Variants in CREBZF observed in about 807,000 individuals in gnomAD.
The protein encoded by CREBZF is HCF-binding transcription factor Zhangfei.
Under a neutral mutation model 21.1 loss-of-function variants are expected in CREBZF, and 8 were observed. The ratio of observed to expected loss-of-function variants is 0.38; its 90% confidence interval spans 0.22 to 0.68. The LOEUF (loss-of-function observed/expected upper bound fraction) is 0.68. CREBZF is among the 30% of genes least tolerant of loss of function. The pLI is 0.51. For missense variants in CREBZF, 518 were observed against 484.3 expected (o/e 1.07, Z -0.65); for synonymous variants, 270 against 223.3 (o/e 1.21, Z -1.86).
At chr11:85,681,327 A>G (rs1399271907) in intron 1 of CREBZF, among the ~76,000 whole-genome samples, 1 of 152,162 alleles carries the variant, frequency 6.6e-6, no homozygotes, top group Non-Finnish European at 1.5e-5. Context: ...TACTCCTTCA[A>G]ACAACTTTCT....
chr11:85,673,418 G>A (rs1351165763), intron 1 of CREBZF, among the ~76,000 whole-genome samples: 2 of 152,172 alleles, frequency 1.3e-5, no homozygotes, highest in Non-Finnish European at 2.9e-5. Flanking sequence ...GCATATAAAT[G>A]TTTACACTAT....
intron 1 of CREBZF, among the ~76,000 whole-genome samples, chr11:85,679,210 C>T (rs553231011): frequency 6.6e-6 from 1 of 152,344 alleles, no homozygotes; most frequent in African/African-American, 2.4e-5. Flanking sequence ...ACACATTCTA[C>T]AGATACCTTA....
At position 85,663,247 on chromosome 11, in the gene CREBZF, C is replaced by G; in HGVS notation, c.*564G>C. The G allele has an allele frequency of 2.1e-6, 1 of 480,622 alleles. No homozygotes were observed. Among genetic ancestry groups the G allele is most frequent in the Non-Finnish European group, 3.7e-6 (1 of 266,678 alleles). The allele number at this position is 480,622 out of a possible 1,614,324, so 29.8% of individuals were successfully genotyped here. On this transcript the variant is annotated 3_prime_UTR_variant, in exon 1 of 1. Coordinates refer to ENST00000527447, the MANE Select transcript of CREBZF (RefSeq NM_001039618.4). ...GTGTACAGTTGGAACCGATGTCATCCAAGGCCATGTCCACACTGGGGACAG... is the reference window on the plus strand; with the variant it reads ...GTGTACAGTTGGAACCGATGTCATCGAAGGCCATGTCCACACTGGGGACAG...
chr11:85,676,149 C>T lies in CREBZF; in HGVS notation n.147+6568G>A, dbSNP rs183804012. On this transcript the variant is annotated intron_variant and non_coding_transcript_variant, in intron 1 of 3. Transcript: ENST00000531515. The stretch of plus-strand genomic sequence containing the variant: ...GTATGTCCTAACTAATCAAACCTCA[C>T]AGTTGCTGCCACTCAAGTTGAGAAT... 2.3e-3 allele frequency among the ~76,000 whole-genome samples: 352 copies of T among 152,310 alleles called. 2 individuals carry two copies. The highest frequency in any genetic ancestry group is 8.2e-3 in the African/African-American group (341 of 41,574).
chr11:85,675,314 A>G (rs758198416), intron 1 of CREBZF, among the ~76,000 whole-genome samples: 11 of 152,250 alleles, frequency 7.2e-5, no homozygotes, highest in Non-Finnish European at 1.5e-4. Flanking sequence ...TGAGAGATGT[A>G]TAACTCTTTC....
At chr11:85,668,839 A>G (rs2082889669), upstream of CREBZF, among the ~76,000 whole-genome samples, 1 of 150,566 alleles carries the variant, frequency 6.6e-6, no homozygotes, top group South Asian at 2.1e-4. Flanking sequence ...CGTCTCTACT[A>G]AAAATACAAA....
In CREBZF at chr11:85,664,942, C is replaced by A; in HGVS notation, c.-67G>T. The A allele has an allele frequency of 8.4e-7, 1 of 1,183,558 alleles. No individual in the cohort carries two copies. The highest frequency in any genetic ancestry group is 1.1e-6 in the Non-Finnish European group (1 of 894,964). The allele number at this position is 1,183,558 out of a possible 1,614,324, so 73.3% of individuals were successfully genotyped here. ...GTGGGCCTCACGGGCCCCAAGGATC[C>A]CAGGCCCCAGGGCGGGTAGCCCCCG... On this transcript the variant is annotated 5_prime_UTR_variant, in exon 1 of 1. Transcript: ENST00000527447. This position sits in a 1 kb window ranked among gnomAD's most constrained non-coding sequence, Gnocchi z 5.5.
rs1018398752 is a variant in CREBZF, at chr11:85,660,775, A to C, written c.*3036T>G. 6.8e-5 allele frequency: 20 copies of C among 295,198 alleles called. No individual in the cohort carries two copies. The highest frequency in any genetic ancestry group is 1.3e-4 in the Non-Finnish European group (19 of 151,800). The allele number at this position is 295,198 out of a possible 1,614,324, so 18.3% of individuals were successfully genotyped here. Reference sequence around the variant, plus strand: ...CAGAAACAGTAAGTCAATATGATAGAAATAGTAGGTCAAAATATGATGTGT... The same window carrying C: ...CAGAAACAGTAAGTCAATATGATAGCAATAGTAGGTCAAAATATGATGTGT... On this transcript the variant is annotated 3_prime_UTR_variant, in exon 1 of 1. Coordinates refer to ENST00000527447, the MANE Select transcript of CREBZF (RefSeq NM_001039618.4).
chr11:85,676,012 G>T (rs955377256), intron 1 of CREBZF, among the ~76,000 whole-genome samples: 2 of 152,162 alleles, frequency 1.3e-5, no homozygotes, highest in Non-Finnish European at 2.9e-5. Context: ...TCAAGAAAGC[G>T]TTTCTGAACG....
Position 85,664,676 on chromosome 11 carries a change from C to T in CREBZF, c.200G>A (p.Arg67Lys), listed in dbSNP as rs745827477. Residue 67 changes from arginine (R) to lysine (K), a missense_variant, in exon 1 of 1, where the codon AGG (arginine) becomes AAG (lysine). By Grantham distance (26) the Arg-to-Lys change is conservative. This residue lies in a region of CREBZF where 396 missense variants were observed against 324.4 expected (regional missense o/e 1.22). Transcript: ENST00000527447. The surrounding 1 kb of genome is among the most constrained non-coding windows in gnomAD (Gnocchi z 5.5). ...CACGGCCACGCCGCCGCGGCTCCCC[C>T]TCCCGGCTTCCAACTCTCCTTCGTC... ...FGDEGELEAG[R>K]GSRGGVAVRA... 5.6e-6 allele frequency: 9 copies of T among 1,603,680 alleles called. No individual in the cohort carries two copies. The highest frequency in any genetic ancestry group is 7.7e-6 in the Non-Finnish European group (9 of 1,175,220).
At position 85,660,137 on chromosome 11, in the gene CREBZF, GAAAT is replaced by G. The variant is rs1054793577; in HGVS notation, c.*3670_*3673del. ...CTCCAAATTAGCTCTCATGTTCCAG[GAAAT>G]AAATACAAACTCATATGCCTTGTGA... On this transcript the variant is annotated 3_prime_UTR_variant, in exon 1 of 1. Coordinates refer to ENST00000527447, the MANE Select transcript of CREBZF (RefSeq NM_001039618.4). The G allele has an allele frequency of 6.5e-6, 1 of 153,878 alleles. No individual in the cohort carries two copies. The highest frequency in any genetic ancestry group is 2.4e-5 in the African/African-American group (1 of 41,440). 9.5% of individuals were successfully genotyped at this position (153,878 alleles called of 1,614,324 possible).
At chr11:85,679,813 A>G in intron 1 of CREBZF, among the ~76,000 whole-genome samples, 1 of 152,326 alleles carries the variant, frequency 6.6e-6, no homozygotes, top group South Asian at 2.1e-4. Flanking sequence ...CTTTATCTAA[A>G]ATATGCCGTG....
Position 85,658,670 on chromosome 11 carries a change from A to G in CREBZF, c.*5141T>C, listed in dbSNP as rs146738426. The stretch of plus-strand genomic sequence containing the variant: ...GCTTAAAAAAAAAAAAAGAGGGCTC[A>G]CATTCTATTTAAATTAAGACAATAT... On this transcript the variant is annotated 3_prime_UTR_variant, in exon 1 of 1. Coordinates refer to ENST00000527447, the MANE Select transcript of CREBZF (RefSeq NM_001039618.4). Among the ~76,000 whole-genome samples, 802 of 151,868 alleles carry G rather than the reference A, an allele frequency of 5.3e-3. 9 individuals carry two copies. Among genetic ancestry groups the G allele is most frequent in the African/African-American group, 0.018 (746 of 41,480 alleles).
At chr11:85,682,617 C>CCA in intron 1 of CREBZF, 1 of 351,914 alleles carries the variant, frequency 2.8e-6, no homozygotes, top group Non-Finnish European at 5.2e-6. Context: ...CCCCCCAACG[C>CCA]GATCTTCCAG....
chr11:85,682,833 T>C, exon 1 of CREBZF: 1 of 702,154 alleles, frequency 1.4e-6, no homozygotes, highest in Non-Finnish European at 2.6e-6. Flanking sequence ...CAATTTGGGA[T>C]GGATGAGCCG....
In CREBZF at chr11:85,660,244, T is replaced by C; in HGVS notation, c.*3567A>G. On this transcript the variant is annotated 3_prime_UTR_variant, in exon 1 of 1. Coordinates refer to ENST00000527447, the MANE Select transcript of CREBZF (RefSeq NM_001039618.4). Reference sequence around the variant, plus strand: ...AATATGCTCTTGATTATGTAAAAACTCTAATTTCTTGATGAAATACTGTAA... The same window carrying C: ...AATATGCTCTTGATTATGTAAAAACCCTAATTTCTTGATGAAATACTGTAA... The C allele has an allele frequency of 5.9e-6, 1 of 168,964 alleles. No individual in the cohort carries two copies. The highest frequency in any genetic ancestry group is 1.8e-4 in the East Asian group (1 of 5,588). 10.5% of individuals were successfully genotyped at this position (168,964 alleles called of 1,614,324 possible).
chr11:85,672,124 G>A lies in CREBZF; in HGVS notation n.148-8523C>T, dbSNP rs192299157. On this transcript the variant is annotated intron_variant and non_coding_transcript_variant, in intron 1 of 3. Coordinates refer to the CREBZF transcript ENST00000531515. ...TGTGCACCCACAGGCTCAATATCAC[G>A]TGGAAGCCGCCAAGGCTTGGGGCTT... Among the ~76,000 whole-genome samples, 41 of 152,352 alleles carry A rather than the reference G, an allele frequency of 2.7e-4. No homozygotes were observed. In the East Asian group the frequency reaches 6.2e-3, roughly 23 times the overall value.
chr11:85,678,261 G>A (rs750195060), intron 1 of CREBZF, among the ~76,000 whole-genome samples: 7 of 152,114 alleles, frequency 4.6e-5, no homozygotes, highest in Non-Finnish European at 8.8e-5. Context: ...CTTCAATTTA[G>A]TGGAAAACAG....
At chr11:85,679,726 C>A (rs1054241793) in intron 1 of CREBZF, among the ~76,000 whole-genome samples, 8 of 152,208 alleles carry the variant, frequency 5.3e-5, no homozygotes, top group African/African-American at 1.9e-4. Context: ...TGTCATTAGC[C>A]ATATGTGGTT....
Sources: gnomAD v4.1 joint callset for allele counts (sites outside exome capture counted in the v4.1 genomes callset) on GRCh38, gnomAD v4.1.1 for gene constraint, gnomAD v4.1.1 regional missense constraint, Gnocchi (gnomAD v3.1) non-coding constraint, MANE v1.5 for transcripts, NCBI Gene and HGNC (gene_info 2026-07-23, HGNC 2026-07-21) for gene names.